The following SLC14A2 variants were observed in gnomAD, a reference collection of about 807,000 sequenced individuals.
The protein encoded by SLC14A2 is solute carrier family 14 member 2.
Under a neutral mutation model 104.6 loss-of-function variants are expected in SLC14A2, and 91 were observed. That is an observed-to-expected ratio of 0.87 (90% CI 0.73 to 1.04). The LOEUF is 1.04. SLC14A2 is among the 50% of genes least tolerant of loss of function. The probability of loss-of-function intolerance (pLI) is 0.00; values close to 1 mark genes in which losing one functional copy is unlikely to be tolerated. For synonymous variants in SLC14A2, 476 were observed against 466.4 expected (o/e 1.02, Z -0.27); for missense variants, 1,189 against 1,156.0 (o/e 1.03, Z -0.41).
intron 11 of SLC14A2, among the ~76,000 whole-genome samples, chr18:45,664,737 A>G (rs1232721961): frequency 2.6e-5 from 4 of 152,136 alleles, no homozygotes; most frequent in African/African-American, 9.7e-5. Context: ...TAGCCCAGAG[A>G]AATGGACTTT....
At chr18:45,572,053 T>C (rs2044355023) in intron 2 of SLC14A2, among the ~76,000 whole-genome samples, 1 of 152,140 alleles carries the variant, frequency 6.6e-6, no homozygotes, top group African/African-American at 2.4e-5. Flanking sequence ...TTTTTAAAGC[T>C]CCCCAGTGAT....
At chr18:45,671,428 T>A (rs900295677) in intron 16 of SLC14A2, among the ~76,000 whole-genome samples, 5 of 152,162 alleles carry the variant, frequency 3.3e-5, no homozygotes, top group South Asian at 2.1e-4. Flanking sequence ...GAGTTTCTGA[T>A]AAATAAGTGG....
intron 1 of SLC14A2, among the ~76,000 whole-genome samples, chr18:45,461,456 C>G (rs1012960480): frequency 2.0e-5 from 3 of 152,222 alleles, no homozygotes; most frequent in African/African-American, 7.2e-5. Flanking sequence ...TTTAGAAGCT[C>G]TAGACTACAA....
chr18:45,236,269 GTATGTGTGTA>G lies in SLC14A2; in HGVS notation c.-125+23086_-125+23095del, dbSNP rs1432283625. 4.9e-5 allele frequency among the ~76,000 whole-genome samples: 2 copies of G among 41,128 alleles called. 1 individual carries two copies. The highest frequency in any genetic ancestry group is 8.3e-5 in the Non-Finnish European group (2 of 23,990). The allele number at this position is 41,128 out of a possible 152,430, so 27.0% of individuals were successfully genotyped here. A position where few individuals can be genotyped will look rare whatever the true frequency, so the allele number is the denominator to read the frequency against. ...TGTGTATATATGTGTATATATACAT[GTATGTGTGTA>G]TATGTGTATATATACATGTATGTGT... On this transcript the variant is annotated intron_variant, in intron 1 of 20. Transcript: ENST00000586448.
intron 7 of SLC14A2, among the ~76,000 whole-genome samples, chr18:45,640,275 T>TA (rs879699022): frequency 0.015 from 2,093 of 140,666 alleles, 17 homozygotes; most frequent in African/African-American, 0.021. Context: ...GACTCCGTCT[T>TA]AAAAAAAAAA....
chr18:45,334,427 G>A (rs1003890557), intron 1 of SLC14A2, among the ~76,000 whole-genome samples: 1 of 152,110 alleles, frequency 6.6e-6, no homozygotes, highest in East Asian at 1.9e-4. Context: ...TGTAATTCTG[G>A]AAACTTCCTG....
chr18:45,639,311 G>C (rs573574872), intron 6 of SLC14A2, among the ~76,000 whole-genome samples: 1 of 152,300 alleles, frequency 6.6e-6, no homozygotes, highest in South Asian at 2.1e-4. Flanking sequence ...ACCAACAACA[G>C]GCTGGGTGAC....
chr18:45,532,137 T>C (rs920208951), intron 2 of SLC14A2, among the ~76,000 whole-genome samples: 2 of 152,238 alleles, frequency 1.3e-5, no homozygotes, highest in Non-Finnish European at 2.9e-5. Flanking sequence ...GGTAGCATGA[T>C]GCCTCCAGCT....
chr18:45,182,756 A>G, the SLC14A2 span, among the ~76,000 whole-genome samples: 2 of 152,158 alleles, frequency 1.3e-5, no homozygotes, highest in Non-Finnish European at 2.9e-5. Context: ...GAAAAATCAC[A>G]CAGTTGTCTG....
chr18:45,671,205 AT>A (rs2046129026), intron 16 of SLC14A2, among the ~76,000 whole-genome samples: 3 of 152,164 alleles, frequency 2.0e-5, no homozygotes, highest in African/African-American at 7.2e-5. Context: ...TTGAGAAGAA[AT>A]TTTGAAATTT....
At chr18:45,342,377 A>C (rs918625469) in intron 1 of SLC14A2, among the ~76,000 whole-genome samples, 60 of 152,166 alleles carry the variant, frequency 3.9e-4, no homozygotes, top group African/African-American at 1.4e-3. Context: ...CAGGAACAGC[A>C]GGGGGATTCC....
At chr18:45,355,592 A>G (rs1160282633) in intron 1 of SLC14A2, among the ~76,000 whole-genome samples, 1 of 151,426 alleles carries the variant, frequency 6.6e-6, no homozygotes, top group East Asian at 1.9e-4. Flanking sequence ...AAAAAAAAAA[A>G]AAAAAAAACC....
rs116804113 is a variant in SLC14A2, at chr18:45,411,687, A to G, written c.-124-71546A>G. 2.8e-3 allele frequency among the ~76,000 whole-genome samples: 421 copies of G among 152,302 alleles called. 1 individual carries two copies. Among genetic ancestry groups the G allele is most frequent in the African/African-American group, 7.9e-3 (328 of 41,566 alleles). ...CACATGTGTAGTGAGCTGAGAGGAAAATATGGGAAGGCCACTGAGGACCAC... is the reference window on the plus strand; with the variant it reads ...CACATGTGTAGTGAGCTGAGAGGAAGATATGGGAAGGCCACTGAGGACCAC... On this transcript the variant is annotated intron_variant, in intron 1 of 20. Transcript: ENST00000586448.
At chr18:45,320,778 T>C (rs955089380) in intron 1 of SLC14A2, among the ~76,000 whole-genome samples, 1 of 152,110 alleles carries the variant, frequency 6.6e-6, no homozygotes, top group Non-Finnish European at 1.5e-5. Flanking sequence ...CTTAGAGAGG[T>C]ACAGTGGCTG....
At chr18:45,178,457 TAAG>T in the SLC14A2 span, among the ~76,000 whole-genome samples, 2 of 151,820 alleles carry the variant, frequency 1.3e-5, no homozygotes, top group African/African-American at 2.4e-5. Flanking sequence ...AAAAAAATAA[TAAG>T]CCAGTAATTT....
intron 1 of SLC14A2, among the ~76,000 whole-genome samples, chr18:45,214,268 GT>G: frequency 6.6e-6 from 1 of 152,198 alleles, no homozygotes; most frequent in Admixed American, 6.5e-5. Flanking sequence ...GCTTGGGTTT[GT>G]TTTGGCAACA....
intron 10 of SLC14A2, among the ~76,000 whole-genome samples, chr18:45,662,516 C>T (rs550842412): frequency 1.3e-5 from 2 of 152,196 alleles, no homozygotes; most frequent in South Asian, 2.1e-4. Context: ...TGGGGTAGGG[C>T]CTGAGATTCT....
intron 1 of SLC14A2, among the ~76,000 whole-genome samples, chr18:45,400,512 G>A (rs1054610356): frequency 2.0e-5 from 3 of 152,112 alleles, no homozygotes; most frequent in Non-Finnish European, 4.4e-5. Flanking sequence ...GGTTGATTTA[G>A]GTGGCATCTT....
chr18:45,236,241 ATG>A lies in SLC14A2; in HGVS notation c.-125+23056_-125+23057del, dbSNP rs1357104433. On this transcript the variant is annotated intron_variant, in intron 1 of 20. Transcript: ENST00000586448. ...TGTATATATGTGTATATATACATAT[ATG>A]TGTGTATATATGTGTATATATACAT... Among the ~76,000 whole-genome samples the A allele has an allele frequency of 5.4e-4, 25 of 46,130 alleles. 1 individual carries two copies. Among genetic ancestry groups the A allele is most frequent in the Non-Finnish European group, 8.2e-4 (22 of 26,744 alleles). 30.3% of individuals were successfully genotyped at this position (46,130 alleles called of 152,430 possible). A position where few individuals can be genotyped will look rare whatever the true frequency, so the allele number is the denominator to read the frequency against.
Sources: allele counts gnomAD v4.1 joint callset (sites outside exome capture counted in the v4.1 genomes callset), GRCh38; gene constraint gnomAD v4.1.1; transcripts MANE v1.5; gene names NCBI Gene and HGNC (gene_info 2026-07-23, HGNC 2026-07-21).